GATAD1: variants seen among roughly 807,000 people sequenced by gnomAD.
GATAD1 encodes GATA zinc finger domain-containing protein 1.
Under a neutral mutation model 26.5 loss-of-function variants are expected in GATAD1, and 12 were observed. That is an observed-to-expected ratio of 0.45 (90% CI 0.29 to 0.73). The LOEUF (loss-of-function observed/expected upper bound fraction) is 0.73. GATAD1 is among the 30% of genes least tolerant of loss of function. GATAD1 has a pLI of 0.10. For synonymous variants in GATAD1, 129 were observed against 133.1 expected (o/e 0.97, Z 0.21); for missense variants, 266 against 342.1 (o/e 0.78, Z 1.75).
Position 92,450,735 on chromosome 7 carries a change from T to C in GATAD1, c.410T>C (p.Ile137Thr), listed in dbSNP as rs1428034324. 10 of 1,609,560 alleles carry C rather than the reference T, an allele frequency of 6.2e-6. No homozygotes were observed. The highest frequency in any genetic ancestry group is 8.5e-6 in the Non-Finnish European group (10 of 1,175,890). ...IKAPESVSTI[I>T]TAESIFYKGV... ...GCTCCTGAGTCAGTTTCCACTATAA[T>C]CACTGCAGAATCAATCTTCTACAAG... The change falls in exon 3 of 5, where the codon ATC becomes ACC. Residue 137 changes from isoleucine to threonine, a missense_variant. By Grantham distance (89) the Ile-to-Thr change is moderately conservative (BLOSUM62 -1). Transcript: ENST00000287957.
chr7:92,462,799 C>T (rs1360347479), downstream of GATAD1, among the ~76,000 whole-genome samples: 1 of 152,214 alleles, frequency 6.6e-6, no homozygotes, highest in Non-Finnish European at 1.5e-5. Flanking sequence ...TCTCTCCTCA[C>T]TATGTAAGAA....
the GATAD1 span, chr7:92,477,627 A>G: frequency 1.3e-5 from 2 of 153,728 alleles, 1 homozygote; most frequent in Non-Finnish European, 2.9e-5. Flanking sequence ...CATGGAACCC[A>G]GTGACTAGTG....
At chr7:92,494,483 T>C in the GATAD1 span, 19 of 1,613,266 alleles carry the variant, frequency 1.2e-5, no homozygotes, top group Admixed American at 1.7e-5. Context: ...TTTATAATTA[T>C]TACCCTGTAA....
chr7:92,472,298 C>T, the GATAD1 span: 4 of 152,178 alleles, frequency 2.6e-5, no homozygotes, highest in African/African-American at 9.7e-5. Context: ...GTATGCCATT[C>T]ACATCATGAG....
chr7:92,483,791 G>A, the GATAD1 span, among the ~76,000 whole-genome samples: 2 of 152,192 alleles, frequency 1.3e-5, no homozygotes, highest in African/African-American at 4.8e-5. Flanking sequence ...GACTGAGTGT[G>A]AGGAGAGGAG....
At chr7:92,489,281 T>A in the GATAD1 span, 2 of 1,611,850 alleles carry the variant, frequency 1.2e-6, no homozygotes, top group Admixed American at 3.3e-5. Context: ...CAAAACAGAA[T>A]CTGTTACTTA....
At chr7:92,469,999 T>C in the GATAD1 span, 2 of 778,166 alleles carry the variant, frequency 2.6e-6, no homozygotes, top group East Asian at 4.8e-5. Context: ...TTCTTTTACA[T>C]GTTTTTCTCT....
intron 3 of GATAD1, among the ~76,000 whole-genome samples, chr7:92,452,665 CTT>C (rs1585168739): frequency 6.6e-6 from 1 of 152,236 alleles, no homozygotes; most frequent in Non-Finnish European, 1.5e-5. Context: ...AGATCAGTGA[CTT>C]AGTCCTGTTT....
the GATAD1 span, among the ~76,000 whole-genome samples, chr7:92,492,441 A>T: frequency 3.3e-5 from 5 of 152,350 alleles, no homozygotes; most frequent in South Asian, 8.3e-4. Flanking sequence ...TGCTGGGATT[A>T]CAGGCGTGAA....
At chr7:92,494,568 G>T in the GATAD1 span, 1 of 1,613,792 alleles carries the variant, frequency 6.2e-7, no homozygotes, top group South Asian at 1.1e-5. Context: ...TCATGACCCC[G>T]CCGAGGAGCA....
intron 3 of GATAD1, among the ~76,000 whole-genome samples, chr7:92,451,510 T>A (rs148771935): frequency 1.3e-5 from 2 of 152,344 alleles, no homozygotes; most frequent in East Asian, 3.9e-4. Context: ...TACTTTATAC[T>A]TGACCCAGGT....
At chr7:92,489,701 G>GA in the GATAD1 span, 1 of 1,607,474 alleles carries the variant, frequency 6.2e-7, no homozygotes, top group Non-Finnish European at 8.5e-7. Context: ...TAATGAGGGG[G>GA]AAAAAGCCAT....
intron 1 of GATAD1, 115 bp downstream of exon 1, chr7:92,448,093 G>A: frequency 1.4e-6 from 1 of 739,428 alleles, no homozygotes; most frequent in Non-Finnish European, 1.8e-6. Flanking sequence ...GCTCCTGCTG[G>A]CTGGAACGCC....
In GATAD1 at chr7:92,447,760, G is replaced by A. The variant is rs1291588606; in HGVS notation, c.31G>A (p.Val11Ile). 5 of 1,499,050 alleles carry A rather than the reference G, an allele frequency of 3.3e-6. No individual in the cohort carries two copies. Among genetic ancestry groups the A allele is most frequent in the South Asian group, 1.2e-5 (1 of 80,002 alleles). 92.9% of individuals were successfully genotyped at this position (1,499,050 alleles called of 1,614,324 possible). A position where few individuals can be genotyped will look rare whatever the true frequency, so the allele number is the denominator to read the frequency against. Reference protein sequence around the residue: MPLGLKPTCSVCKTTSSSMWK... With the variant: MPLGLKPTCSICKTTSSSMWK... ...GCTGGGCCTGAAGCCCACCTGCAGC[G>A]TATGCAAGACCACGTCGTCCTCCAT... Residue 11 changes from valine (V) to isoleucine (I), a missense_variant, in exon 1 of 5, where the codon GTA (valine) becomes ATA (isoleucine). By Grantham distance (29) the Val-to-Ile change is conservative. Transcript: ENST00000287957.
intron 2 of GATAD1, 42 bp from the exon 3 acceptor site, chr7:92,450,659 A>C (rs760033926): frequency 1.4e-6 from 2 of 1,383,584 alleles, no homozygotes; most frequent in East Asian, 2.3e-5. Context: ...CTGTAGACAC[A>C]TACATACTAT....
the GATAD1 span, among the ~76,000 whole-genome samples, chr7:92,479,375 G>A: frequency 6.6e-6 from 1 of 152,166 alleles, no homozygotes; most frequent in African/African-American, 2.4e-5. Flanking sequence ...AAGGTGCTCA[G>A]TGGGGGAGGT....
chr7:92,460,835 G>A (rs1047189184), downstream of GATAD1, among the ~76,000 whole-genome samples: 2 of 148,008 alleles, frequency 1.4e-5, no homozygotes, highest in African/African-American at 5.0e-5. Flanking sequence ...CATGTCAACA[G>A]AGGTTTTCTG....
chr7:92,480,391 G>T, the GATAD1 span, among the ~76,000 whole-genome samples: 1 of 152,196 alleles, frequency 6.6e-6, no homozygotes, highest in Non-Finnish European at 1.5e-5. Flanking sequence ...GCAAATCCCC[G>T]AGCTTGATGT....
At position 92,447,483 on chromosome 7, in the gene GATAD1, TTTCCCAGTCCTGC is replaced by T. The variant is rs1280278900; in HGVS notation, c.-238_-226del. 3.3e-6 allele frequency: 1 copy of T among 304,900 alleles called. No homozygotes were observed. Among genetic ancestry groups the T allele is most frequent in the Admixed American group, 5.4e-5 (1 of 18,416 alleles). 18.9% of individuals were successfully genotyped at this position (304,900 alleles called of 1,614,324 possible). ...GTCCCCCCCACCCCGGCCAGATCCC[TTTCCCAGTCCTGC>T]TTCCCAGTGCCTCGGGCCAGGGAAT... is the stretch of plus-strand genomic sequence containing the variant. On this transcript the variant is annotated 5_prime_UTR_variant, in exon 1 of 5. Transcript: ENST00000287957.
Sources: allele counts gnomAD v4.1 joint callset (sites outside exome capture counted in the v4.1 genomes callset), GRCh38; gene constraint gnomAD v4.1.1; transcripts MANE v1.5; gene names NCBI Gene and HGNC (gene_info 2026-07-23, HGNC 2026-07-21).